LMO7: variants seen among roughly 807,000 people sequenced by gnomAD.
The protein encoded by LMO7 is LIM domain 7.
LMO7 carries 120 observed loss-of-function variants against 206.5 expected under a neutral mutation model. The observed-to-expected ratio is 0.58, with a 90% CI of 0.50 to 0.68. The LOEUF (loss-of-function observed/expected upper bound fraction) is 0.68, where lower values mean the gene tolerates loss of function less well. Among genes scored for constraint, LMO7 ranks in the 30% least tolerant of loss-of-function variants. The probability of loss-of-function intolerance (pLI) is 0.00; values close to 1 mark genes in which losing one functional copy is unlikely to be tolerated. For synonymous variants in LMO7, 706 were observed against 681.5 expected (o/e 1.04, Z -0.56); for missense variants, 1,959 against 1,957.9 (o/e 1.00, Z -0.01).
intron 2 of LMO7, chr13:75,623,350 A>G: frequency 8.3e-7 from 1 of 1,199,090 alleles, no homozygotes; most frequent in South Asian, 1.2e-5. Flanking sequence ...TCTAAGGCAG[A>G]ATCAGAAAGG....
rs369131274 is a variant in LMO7 at position 75,718,596 on chromosome 13, C to A, written c.140+5344C>A. Reference sequence around the variant, plus strand: ...CCTCCCCCATTATCAACGTCCCCCACCAGAGGGGTACATTGGTTACAAATG... The same window carrying A: ...CCTCCCCCATTATCAACGTCCCCCAACAGAGGGGTACATTGGTTACAAATG... On this transcript the variant is annotated intron_variant, in intron 2 of 30. Transcript: ENST00000377534. Among the ~76,000 whole-genome samples the A allele has an allele frequency of 2.8e-4, 42 of 152,274 alleles. No homozygotes were observed. In the South Asian group the frequency reaches 8.5e-3, roughly 31 times the overall value.
At chr13:75,660,784 C>G (rs566730921) in intron 1 of LMO7, among the ~76,000 whole-genome samples, 16 of 152,134 alleles carry the variant, frequency 1.1e-4, no homozygotes, top group Admixed American at 2.0e-4. Context: ...GTCATGTTTT[C>G]CGTTTTTAGA....
At chr13:75,705,075 A>T (rs896126943) in intron 1 of LMO7, among the ~76,000 whole-genome samples, 1 of 152,198 alleles carries the variant, frequency 6.6e-6, no homozygotes, top group Non-Finnish European at 1.5e-5. Flanking sequence ...TTGGTGCGGA[A>T]TATGCCCTCG....
In LMO7 at chr13:75,733,682, T is replaced by C. The variant is rs557903498; in HGVS notation, c.210+6584T>C. On this transcript the variant is annotated intron_variant, in intron 3 of 30. Coordinates refer to ENST00000377534, the MANE Select transcript of LMO7 (RefSeq NM_001306080.2). ...CTCCCTAGTGAGATGAACACGGTACTGCAGATGGAAATGCAGACATCACCC... is the reference window on the plus strand; with the variant it reads ...CTCCCTAGTGAGATGAACACGGTACCGCAGATGGAAATGCAGACATCACCC... 1.9e-3 allele frequency among the ~76,000 whole-genome samples: 284 copies of C among 152,294 alleles called. 3 individuals are homozygous for C. Among genetic ancestry groups the C allele is most frequent in the Admixed American group, 3.0e-3 (46 of 15,302 alleles).
chr13:75,731,268 C>T (rs1205745989), intron 3 of LMO7, among the ~76,000 whole-genome samples: 1 of 152,116 alleles, frequency 6.6e-6, no homozygotes, highest in Admixed American at 6.5e-5. Context: ...GAGTCTAAGT[C>T]TCTTTGTTGG....
intron 15 of LMO7, among the ~76,000 whole-genome samples, chr13:75,829,031 G>C (rs1214435092): frequency 6.6e-6 from 1 of 152,054 alleles, no homozygotes; most frequent in Admixed American, 6.6e-5. Context: ...AACAAGAGGT[G>C]GAAGAACAGG....
chr13:75,781,112 TTTTTTTTG>T (rs2051316193), intron 4 of LMO7, among the ~76,000 whole-genome samples: 3 of 129,698 alleles, frequency 2.3e-5, no homozygotes, highest in Non-Finnish European at 3.5e-5. Context: ...TTTTTTTTTT[TTTTTTTTG>T]CTTTTTTTTT....
chr13:75,708,285 T>C (rs554987164), intron 1 of LMO7, among the ~76,000 whole-genome samples: 37 of 152,358 alleles, frequency 2.4e-4, no homozygotes, highest in African/African-American at 8.7e-4. Context: ...GAATTTGAAC[T>C]TGCTTTGGTC....
At chr13:75,786,676 C>T (rs932155531) in intron 4 of LMO7, among the ~76,000 whole-genome samples, 5 of 152,124 alleles carry the variant, frequency 3.3e-5, no homozygotes, top group Non-Finnish European at 7.4e-5. Flanking sequence ...TGAGCCACCG[C>T]GCCCGGCCTC....
chr13:75,737,842 CAAAAA>C (rs768622923), intron 3 of LMO7, among the ~76,000 whole-genome samples: 1 of 37,726 alleles, frequency 2.7e-5, no homozygotes, highest in African/African-American at 1.2e-4. Flanking sequence ...AGGAAGCTGC[CAAAAA>C]AAAAAAAAAA....
At chr13:75,841,383 C>T (rs2059547099) in intron 23 of LMO7, among the ~76,000 whole-genome samples, 182 bp downstream of exon 23, 1 of 152,100 alleles carries the variant, frequency 6.6e-6, no homozygotes, top group Admixed American at 6.5e-5. Flanking sequence ...AGCCTTTCTC[C>T]TAGTTTTTAT....
chr13:75,693,714 C>T (rs1178131719), intron 1 of LMO7, among the ~76,000 whole-genome samples: 4 of 152,154 alleles, frequency 2.6e-5, no homozygotes, highest in African/African-American at 9.7e-5. Flanking sequence ...TTTCCCCCAG[C>T]GTAGGTGCCA....
chr13:75,851,681 A>T (rs575591946), intron 27 of LMO7, among the ~76,000 whole-genome samples: 186 of 151,952 alleles, frequency 1.2e-3, no homozygotes, highest in African/African-American at 4.4e-3. Flanking sequence ...AGGTAGTACT[A>T]ATGTTAGTAC....
rs1392914858 is a variant in LMO7 at position 75,859,308 on chromosome 13, C to G, written c.*1365C>G. On this transcript the variant is annotated 3_prime_UTR_variant, in exon 31 of 31. Transcript: ENST00000377534. The stretch of plus-strand genomic sequence containing the variant: ...GTAATAATGTGTTCCTTGAGGATAA[C>G]TTGTCAAATGCCCCAAAGCATAAAG... The G allele has an allele frequency of 6.6e-6, 1 of 152,108 alleles. No homozygotes were observed. The highest frequency in any genetic ancestry group is 1.9e-4 in the East Asian group (1 of 5,204). 9.4% of individuals were successfully genotyped at this position (152,108 alleles called of 1,614,324 possible).
intron 25 of LMO7, among the ~76,000 whole-genome samples, chr13:75,843,591 C>T (rs929570377): frequency 6.6e-6 from 1 of 152,166 alleles, no homozygotes; most frequent in African/African-American, 2.4e-5. Flanking sequence ...TGACATTTCT[C>T]TGAGGCAGTT....
chr13:75,808,165 A>T lies in LMO7; in HGVS notation c.1882A>T (p.Arg628Ter). ...ATGGGAGGCCATCCGGGAGGCCAGC[A>T]GACTTAGGCACAAGAAAAGGCTGAT... ...KRWEAIREAS[R>*]LRHKKRLMVE... Residue 628 changes from arginine to a stop codon, truncating the protein, a stop_gained, in exon 10 of 31, where the codon AGA (arginine) becomes TGA (stop). Transcript: ENST00000377534. LOFTEE classifies it high-confidence loss of function. The T allele has an allele frequency of 1.9e-6, 3 of 1,613,448 alleles. No individual in the cohort carries two copies. The highest frequency in any genetic ancestry group is 2.5e-6 in the Non-Finnish European group (3 of 1,179,552).
intron 4 of LMO7, among the ~76,000 whole-genome samples, chr13:75,776,809 C>T (rs1193589702): frequency 6.6e-6 from 1 of 152,156 alleles, no homozygotes; most frequent in Non-Finnish European, 1.5e-5. Context: ...GAGAGAGAGC[C>T]TCTCTAGGGA....
At chr13:75,778,340 C>G (rs1271377235) in intron 4 of LMO7, among the ~76,000 whole-genome samples, 1 of 152,060 alleles carries the variant, frequency 6.6e-6, no homozygotes. Context: ...TCAAGCCATT[C>G]TCTCGCCTCA....
chr13:75,855,407 T>C (rs1183772311), intron 29 of LMO7, 39 bp downstream of exon 29: 2 of 1,401,680 alleles, frequency 1.4e-6, no homozygotes, highest in Non-Finnish European at 2.0e-6. Context: ...CTGCAAAGCT[T>C]TGCTTGGAGA....
Sources: allele counts gnomAD v4.1 joint callset (sites outside exome capture counted in the v4.1 genomes callset), GRCh38; gene constraint gnomAD v4.1.1; transcripts MANE v1.5; gene names NCBI Gene and HGNC (gene_info 2026-07-23, HGNC 2026-07-21).